Variants in FAM13C observed in about 807,000 individuals in gnomAD.
FAM13C encodes the protein protein FAM13C.
A neutral mutation model predicts 73.2 loss-of-function variants in FAM13C; 37 were observed. The observed-to-expected ratio is 0.51, with a 90% confidence interval of 0.39 to 0.67. The LOEUF (loss-of-function observed/expected upper bound fraction) is 0.67. Ranked by LOEUF, FAM13C falls within the 30% of genes least tolerant of loss-of-function variation. The pLI, the probability that FAM13C is intolerant of heterozygous loss-of-function variation, is 0.00. For synonymous variants in FAM13C, 246 were observed against 260.9 expected (o/e 0.94, Z 0.55); for missense variants, 589 against 715.6 (o/e 0.82, Z 2.02).
At chr10:59,299,789 C>A (rs543212180) in intron 5 of FAM13C, among the ~76,000 whole-genome samples, 125 of 152,122 alleles carry the variant, frequency 8.2e-4, no homozygotes, top group Middle Eastern at 6.8e-3. Flanking sequence ...AAGATCCTAA[C>A]CCCCAAAATC....
chr10:59,302,261 A>G (rs2133860842), intron 5 of FAM13C, among the ~76,000 whole-genome samples: 1 of 152,332 alleles, frequency 6.6e-6, no homozygotes, highest in South Asian at 2.1e-4. Context: ...TACATATTCC[A>G]AAGAAAATCC....
chr10:59,251,187 TTATTTAATAAATTAGGGAGTAAC>T, intron 13 of FAM13C: 2 of 270,842 alleles, frequency 7.4e-6, no homozygotes, highest in Non-Finnish European at 1.4e-5. Flanking sequence ...TAAGGAATTA[TTATTTAATAAATTAGGGAGTAAC>T]TTGTGGAACT....
At chr10:59,254,476 C>G (rs761178831) in intron 10 of FAM13C, 33 bp from the exon 11 acceptor site, 2 of 1,289,544 alleles carry the variant, frequency 1.6e-6, no homozygotes, top group East Asian at 5.3e-5. Context: ...TTATTCCTCT[C>G]TCAGACAAGA....
At chr10:59,310,486 A>G (rs1428638910) in intron 4 of FAM13C, among the ~76,000 whole-genome samples, 1 of 152,134 alleles carries the variant, frequency 6.6e-6, no homozygotes, top group Non-Finnish European at 1.5e-5. Context: ...TCGAAGCCAC[A>G]TTGAAGACAT....
chr10:59,290,848 CT>C (rs1011148485), intron 5 of FAM13C, among the ~76,000 whole-genome samples: 1 of 152,156 alleles, frequency 6.6e-6, no homozygotes, highest in African/African-American at 2.4e-5. Flanking sequence ...TTTCTGGGTC[CT>C]TTAGCCAGTA....
chr10:59,347,454 A>C (rs1051526716), intron 3 of FAM13C, among the ~76,000 whole-genome samples: 1 of 152,202 alleles, frequency 6.6e-6, no homozygotes, highest in African/African-American at 2.4e-5. Context: ...AAGGTAAGAA[A>C]AGTGGAGCAT....
chr10:59,253,912 C>G (rs75996635), intron 11 of FAM13C: 96 of 161,444 alleles, frequency 5.9e-4, no homozygotes, highest in African/African-American at 2.1e-3. Context: ...ATATCTTGTA[C>G]AGTATGGTCA....
chr10:59,288,979 G>C (rs1845898732), intron 5 of FAM13C, among the ~76,000 whole-genome samples: 1 of 151,870 alleles, frequency 6.6e-6, no homozygotes, highest in Non-Finnish European at 1.5e-5. Context: ...CAAGGGGACG[G>C]GGAGATTTGT....
At chr10:59,331,237 C>T (rs945452480) in intron 3 of FAM13C, among the ~76,000 whole-genome samples, 4 of 152,118 alleles carry the variant, frequency 2.6e-5, no homozygotes, top group African/African-American at 9.7e-5. Flanking sequence ...GTGTGTGATG[C>T]TTTGAGAACA....
intron 2 of FAM13C, 96 bp from the exon 3 acceptor site, chr10:59,352,570 T>A: frequency 7.5e-7 from 1 of 1,338,802 alleles, no homozygotes; most frequent in African/African-American, 1.5e-5. Context: ...GCTGCTATAT[T>A]TATAGGATAG....
At chr10:59,346,136 A>C (rs1410074612) in intron 3 of FAM13C, among the ~76,000 whole-genome samples, 1 of 152,228 alleles carries the variant, frequency 6.6e-6, no homozygotes, top group African/African-American at 2.4e-5. Flanking sequence ...TCAGTAATAC[A>C]TCAAGAAAAA....
intron 1 of FAM13C, chr10:59,361,172 C>A: frequency 8.9e-7 from 1 of 1,117,766 alleles, no homozygotes. Context: ...AATGTGGGTC[C>A]AAATGAGTAT....
chr10:59,301,604 C>T (rs1847608084), intron 5 of FAM13C, among the ~76,000 whole-genome samples: 1 of 152,206 alleles, frequency 6.6e-6, no homozygotes, highest in African/African-American at 2.4e-5. Context: ...TTACAATCAC[C>T]TCATTTTTCT....
intron 5 of FAM13C, among the ~76,000 whole-genome samples, chr10:59,287,290 T>C (rs1179694606): frequency 8.3e-6 from 1 of 119,926 alleles, no homozygotes; most frequent in Admixed American, 1.3e-4. Context: ...TGAGTGGAGA[T>C]CATGCCACTG....
chr10:59,271,536 G>A lies in FAM13C; in HGVS notation c.593-1427C>T, dbSNP rs74562709. 1.9e-4 allele frequency among the ~76,000 whole-genome samples: 29 copies of A among 152,300 alleles called. No individual in the cohort carries two copies. The East Asian group carries it at 5.4e-3, about 28-fold the overall frequency. On this transcript the variant is annotated intron_variant, in intron 6 of 13. Transcript: ENST00000618804. ...ACAAAAGAGTTGGAGGGAGGCAAAT[G>A]GCAGTGCCTCCAGCCCAAGACAAGG...
chr10:59,269,834 A>G, intron 7 of FAM13C, 65 bp downstream of exon 7: 1 of 1,547,182 alleles, frequency 6.5e-7, no homozygotes, highest in Non-Finnish European at 8.8e-7. Flanking sequence ...ACTTCATTGT[A>G]GCTTATAAAT....
chr10:59,336,283 G>A (rs1302066956), intron 3 of FAM13C, among the ~76,000 whole-genome samples: 1 of 152,096 alleles, frequency 6.6e-6, no homozygotes, highest in Non-Finnish European at 1.5e-5. Flanking sequence ...AAAACATAAT[G>A]CTGCTTATCA....
intron 4 of FAM13C, among the ~76,000 whole-genome samples, chr10:59,316,901 G>A (rs1353059069): frequency 2.0e-5 from 3 of 152,106 alleles, no homozygotes; most frequent in African/African-American, 7.2e-5. Flanking sequence ...ATATAATTAT[G>A]TATAACACAA....
chr10:59,269,572 A>G (rs1163881328), intron 7 of FAM13C, among the ~76,000 whole-genome samples: 1 of 152,212 alleles, frequency 6.6e-6, no homozygotes, highest in African/African-American at 2.4e-5. Flanking sequence ...GGACATGGAA[A>G]GAATATTGAG....
Sources: allele counts gnomAD v4.1 joint callset (sites outside exome capture counted in the v4.1 genomes callset), GRCh38; gene constraint gnomAD v4.1.1; transcripts MANE v1.5; gene names NCBI Gene and HGNC (gene_info 2026-07-23, HGNC 2026-07-21).